DDHD1: variants seen among roughly 807,000 people sequenced by gnomAD.
DDHD1 encodes DDHD domain containing 1.
Under a neutral mutation model 96.4 loss-of-function variants are expected in DDHD1, and 49 were observed. The observed-to-expected ratio is 0.51, with a 90% confidence interval of 0.40 to 0.64. The LOEUF (loss-of-function observed/expected upper bound fraction) is 0.64, where lower values mean the gene tolerates loss of function less well. Ranked by LOEUF, DDHD1 falls within the 30% of genes least tolerant of loss-of-function variation. DDHD1 has a pLI of 0.00. For missense variants in DDHD1, 1,106 were observed against 1,161.2 expected (o/e 0.95, Z 0.69); for synonymous variants, 442 against 446.5 (o/e 0.99, Z 0.13).
At position 53,037,700 on chromosome 14, in the gene DDHD1, G is replaced by A. The variant is rs1453836508; in HGVS notation, c.*9068C>T. The A allele has an allele frequency of 3.3e-5, 5 of 152,094 alleles. No individual in the cohort carries two copies. The highest frequency in any genetic ancestry group is 1.2e-4 in the African/African-American group (5 of 41,414). The allele number at this position is 152,094 out of a possible 1,614,324, so 9.4% of individuals were successfully genotyped here. A position where few individuals can be genotyped will look rare whatever the true frequency, so the allele number is the denominator to read the frequency against. On this transcript the variant is annotated 3_prime_UTR_variant, in exon 13 of 13. Transcript: ENST00000673822. ...CTGTATGTTGTCTGTTTACTCTGTT[G>A]ATAGTGTCTTTTGCTGTGCAGAGTG... is the stretch of plus-strand genomic sequence containing the variant.
intron 5 of DDHD1, 31 bp from the exon 6 acceptor site, chr14:53,072,734 CT>C: frequency 6.7e-7 from 1 of 1,502,414 alleles, no homozygotes; most frequent in South Asian, 1.2e-5. Context: ...AGCAAGTTAA[CT>C]TATAGAAAGT....
chr14:53,056,919 G>T (rs1003468889), intron 9 of DDHD1, among the ~76,000 whole-genome samples: 4 of 152,162 alleles, frequency 2.6e-5, no homozygotes, highest in Non-Finnish European at 5.9e-5. Context: ...TTCAAGTTAC[G>T]AGACAATGAA....
chr14:53,069,937 G>GC (rs1467555132), intron 6 of DDHD1, among the ~76,000 whole-genome samples: 1 of 152,004 alleles, frequency 6.6e-6, no homozygotes, highest in Non-Finnish European at 1.5e-5. Flanking sequence ...TGTTCCCTTT[G>GC]CCCCCCATTT....
At chr14:53,149,546 A>G (rs1419475362) in intron 1 of DDHD1, among the ~76,000 whole-genome samples, 1 of 152,238 alleles carries the variant, frequency 6.6e-6, no homozygotes, top group Non-Finnish European at 1.5e-5. Context: ...AATTAAAGTT[A>G]TATGAGATTT....
chr14:53,056,215 G>A (rs1883043180), intron 9 of DDHD1, among the ~76,000 whole-genome samples: 1 of 152,158 alleles, frequency 6.6e-6, no homozygotes, highest in South Asian at 2.1e-4. Flanking sequence ...GAGCAAAGTT[G>A]AAGTAGTAGA....
intron 9 of DDHD1, among the ~76,000 whole-genome samples, chr14:53,056,617 T>C (rs117146914): frequency 3.6e-4 from 55 of 152,236 alleles, no homozygotes; most frequent in Non-Finnish European, 6.5e-4. Context: ...AATTGCATGA[T>C]GCTTGTTAAG....
chr14:53,104,982 T>C (rs1307482298), intron 1 of DDHD1, among the ~76,000 whole-genome samples: 1 of 152,072 alleles, frequency 6.6e-6, no homozygotes, highest in Non-Finnish European at 1.5e-5. Flanking sequence ...ATATTGTTAG[T>C]AATACTATTT....
rs757562320 is a variant in DDHD1 at position 53,051,826 on chromosome 14, T to G, written c.2521+18A>C. ...ATTTTTATAGTATTCTGAATGCTATTCCTGACATATACCATACCGAGGGCA... is the reference window on the plus strand; with the variant it reads ...ATTTTTATAGTATTCTGAATGCTATGCCTGACATATACCATACCGAGGGCA... On this transcript the variant is annotated intron_variant, in intron 12 of 12. Transcript: ENST00000673822. The G allele has an allele frequency of 6.4e-7, 1 of 1,556,738 alleles. No individual in the cohort carries two copies. The highest frequency in any genetic ancestry group is 1.4e-5 in the African/African-American group (1 of 72,978).
At chr14:53,053,554 G>A (rs1595087466) in intron 11 of DDHD1, 1 of 152,042 alleles carries the variant, frequency 6.6e-6, no homozygotes, top group South Asian at 2.1e-4. Flanking sequence ...GGATGGCAAT[G>A]AATGCCATCA....
At chr14:53,061,361 A>G in intron 7 of DDHD1, 160 bp from the exon 8 acceptor site, 1 of 512,692 alleles carries the variant, frequency 2.0e-6, no homozygotes, top group Non-Finnish European at 3.2e-6. Flanking sequence ...GCCACAGTAC[A>G]GAAAGTATAT....
intron 1 of DDHD1, among the ~76,000 whole-genome samples, chr14:53,147,862 A>C (rs998361871): frequency 2.6e-5 from 4 of 152,318 alleles, no homozygotes; most frequent in Admixed American, 2.6e-4. Context: ...TGGTCAAAAA[A>C]GAGTGCCTTC....
chr14:53,112,054 A>G (rs1888150118), intron 1 of DDHD1, among the ~76,000 whole-genome samples: 1 of 152,328 alleles, frequency 6.6e-6, no homozygotes, highest in Middle Eastern at 3.4e-3. Flanking sequence ...AGTAGACGTT[A>G]AACATTGTCT....
At chr14:53,136,527 T>G (rs1890255456) in intron 1 of DDHD1, among the ~76,000 whole-genome samples, 1 of 152,160 alleles carries the variant, frequency 6.6e-6, no homozygotes, top group African/African-American at 2.4e-5. Context: ...TTCCCTTTAT[T>G]CTTTAGCTGA....
chr14:53,138,002 AATT>A (rs1206900989), intron 1 of DDHD1, among the ~76,000 whole-genome samples: 9 of 152,258 alleles, frequency 5.9e-5, no homozygotes, highest in Non-Finnish European at 1.2e-4. Context: ...ATGAAGTGAT[AATT>A]AAGTTGTGAA....
chr14:53,152,127 C>A, intron 1 of DDHD1, 134 bp downstream of exon 1: 4 of 899,000 alleles, frequency 4.4e-6, no homozygotes, highest in Admixed American at 3.5e-5. Context: ...CCTGCTCAAT[C>A]TCCATCCTGC....
At chr14:53,117,770 C>G (rs916482085) in intron 1 of DDHD1, among the ~76,000 whole-genome samples, 1 of 152,196 alleles carries the variant, frequency 6.6e-6, no homozygotes, top group Non-Finnish European at 1.5e-5. Context: ...CAGACTTAAA[C>G]ATCCCTGGCT....
At chr14:53,047,359 C>T (rs1405458429) in intron 12 of DDHD1, among the ~76,000 whole-genome samples, 4 of 152,166 alleles carry the variant, frequency 2.6e-5, no homozygotes, top group African/African-American at 9.7e-5. Context: ...CGTGGGAGTG[C>T]AAGAGATCAT....
chr14:53,147,019 T>C (rs1004389159), intron 1 of DDHD1, among the ~76,000 whole-genome samples: 1 of 151,946 alleles, frequency 6.6e-6, no homozygotes, highest in African/African-American at 2.4e-5. Context: ...TCAGATTCCC[T>C]AGTTATTAGG....
intron 2 of DDHD1, among the ~76,000 whole-genome samples, chr14:53,100,419 G>A (rs1448977840): frequency 2.6e-5 from 4 of 152,124 alleles, no homozygotes; most frequent in Non-Finnish European, 5.9e-5. Flanking sequence ...AGTGAGCTGT[G>A]ATTATGCCAC....
Sources: gnomAD v4.1 joint callset for allele counts (sites outside exome capture counted in the v4.1 genomes callset) on GRCh38, gnomAD v4.1.1 for gene constraint, MANE v1.5 for transcripts, NCBI Gene and HGNC (gene_info 2026-07-23, HGNC 2026-07-21) for gene names.